RNF150: variants seen among roughly 807,000 people sequenced by gnomAD.
The protein encoded by RNF150 is ring finger protein 150.
RNF150 carries 24 observed loss-of-function variants against 39.3 expected under a neutral mutation model. The ratio of observed to expected loss-of-function variants is 0.61; its 90% CI spans 0.44 to 0.86. RNF150 has a LOEUF of 0.86. Among genes scored for constraint, RNF150 ranks in the 40% least tolerant of loss-of-function variants. RNF150 has a pLI of 0.00. For missense variants in RNF150, 502 were observed against 587.8 expected (o/e 0.85, Z 1.51); for synonymous variants, 255 against 227.3 (o/e 1.12, Z -1.10).
chr4:140,903,425 C>T (rs1364906657), intron 6 of RNF150, among the ~76,000 whole-genome samples: 1 of 152,152 alleles, frequency 6.6e-6, no homozygotes, highest in African/African-American at 2.4e-5. Flanking sequence ...TGAATGATGG[C>T]ACTTCCCCAT....
intron 1 of RNF150, among the ~76,000 whole-genome samples, chr4:141,001,848 A>G (rs1211259150): frequency 6.6e-6 from 1 of 152,170 alleles, no homozygotes; most frequent in East Asian, 1.9e-4. Context: ...AATGATATCA[A>G]TTTAAATCCA....
At chr4:140,986,858 C>T (rs921292484) in intron 1 of RNF150, among the ~76,000 whole-genome samples, 2 of 152,000 alleles carry the variant, frequency 1.3e-5, no homozygotes, top group African/African-American at 4.8e-5. Context: ...GTTATGATTA[C>T]ATACCTAGAA....
intron 1 of RNF150, among the ~76,000 whole-genome samples, chr4:141,078,888 T>A (rs984011542): frequency 4.2e-5 from 6 of 143,828 alleles, no homozygotes; most frequent in Middle Eastern, 3.7e-3. Flanking sequence ...TATATACACA[T>A]ACATATATAT....
intron 1 of RNF150, among the ~76,000 whole-genome samples, chr4:141,000,002 G>A (rs1179647040): frequency 2.9e-4 from 10 of 34,914 alleles, no homozygotes; most frequent in African/African-American, 3.6e-4. Flanking sequence ...AAAAGAAGAA[G>A]AAGAAGAAGA....
intron 1 of RNF150, among the ~76,000 whole-genome samples, chr4:141,069,684 T>G (rs1310202720): frequency 1.7e-4 from 25 of 151,026 alleles, no homozygotes; most frequent in African/African-American, 6.1e-4. Flanking sequence ...TGAATCCATC[T>G]GGTCCTGGAC....
At chr4:140,960,187 G>A (rs114086484) in intron 2 of RNF150, among the ~76,000 whole-genome samples, 2,616 of 152,182 alleles carry the variant, frequency 0.017, 74 homozygotes, top group African/African-American at 0.06. Flanking sequence ...ACCTAAATGT[G>A]TCCTTGATTC....
intron 1 of RNF150, among the ~76,000 whole-genome samples, chr4:141,179,967 A>G (rs1727877634): frequency 2.0e-5 from 3 of 152,138 alleles, no homozygotes; most frequent in Admixed American, 2.0e-4. Context: ...CTCTCCCGTT[A>G]CCTCTGGTAA....
In RNF150 at chr4:141,175,150, A is replaced by G. The variant is rs72935023; in HGVS notation, c.-6+37644T>C. Among the ~76,000 whole-genome samples the G allele has an allele frequency of 7.8e-4, 119 of 152,300 alleles. 1 individual carries two copies. The highest frequency in any genetic ancestry group is 2.8e-3 in the African/African-American group (118 of 41,570). ...GAGTGCTGATGGTGGGAACGAACAA[A>G]CGGGAGTCTTCAGGCAATATAGCTT... is the stretch of plus-strand genomic sequence containing the variant. On this transcript the variant is annotated intron_variant, in intron 1 of 7. Transcript: ENST00000420921.
upstream of RNF150, among the ~76,000 whole-genome samples, chr4:141,137,538 G>A (rs1727046079): frequency 6.6e-6 from 1 of 152,192 alleles, no homozygotes; most frequent in Non-Finnish European, 1.5e-5. Context: ...CTGGCAGAAT[G>A]GAGGAATAGT....
In RNF150 at chr4:141,166,355, G is replaced by A. The variant is rs533166857; in HGVS notation, c.-6+46439C>T. ...CCCAGGACCAGATGGATTCACAGCC[G>A]AATTCTACCAGAGGTACAAAGAGGA... On this transcript the variant is annotated intron_variant, in intron 1 of 7. Transcript: ENST00000420921. Among the ~76,000 whole-genome samples the A allele has an allele frequency of 1.2e-4, 19 of 152,220 alleles. No homozygotes were observed. In the East Asian group the frequency reaches 3.1e-3, roughly 25 times the overall value.
intron 6 of RNF150, among the ~76,000 whole-genome samples, chr4:140,871,021 T>TAA (rs1728917043): frequency 6.7e-6 from 1 of 149,920 alleles, no homozygotes; most frequent in East Asian, 2.0e-4. Context: ...TATATATGTA[T>TAA]ACACACACAC....
At position 141,030,523 on chromosome 4, in the gene RNF150, G is replaced by A. The variant is rs188170612; in HGVS notation, c.485-62650C>T. Reference sequence around the variant, plus strand: ...TGCAAACCCATGTTCACTGCAGCTGGAGTCACAATAGCCAAGATATGAAAT... The same window carrying A: ...TGCAAACCCATGTTCACTGCAGCTGAAGTCACAATAGCCAAGATATGAAAT... On this transcript the variant is annotated intron_variant, in intron 1 of 6. Coordinates refer to ENST00000515673, the MANE Select transcript of RNF150 (RefSeq NM_020724.2). Among the ~76,000 whole-genome samples the A allele has an allele frequency of 3.5e-4, 54 of 152,202 alleles. No individual in the cohort carries two copies. In the East Asian group the frequency reaches 7.5e-3, roughly 21 times the overall value.
intron 1 of RNF150, among the ~76,000 whole-genome samples, chr4:140,997,735 C>CACATATATGTG (rs1553935409): frequency 2.0e-5 from 3 of 151,652 alleles, no homozygotes; most frequent in South Asian, 2.1e-4. Context: ...TAAAAAGATA[C>CACATATATGTG]TAGCTGCATA....
chr4:141,211,646 T>C (rs1316114567), intron 1 of RNF150, among the ~76,000 whole-genome samples: 1 of 151,602 alleles, frequency 6.6e-6, no homozygotes, highest in Non-Finnish European at 1.5e-5. Flanking sequence ...GAATTGACTA[T>C]CCCTTAACTA....
chr4:140,986,486 C>A (rs1021823969), intron 1 of RNF150, among the ~76,000 whole-genome samples: 2 of 152,060 alleles, frequency 1.3e-5, no homozygotes, highest in Non-Finnish European at 2.9e-5. Context: ...CACGTTTGAA[C>A]CAGCAGCTCT....
At chr4:141,151,921 T>C (rs953746851) in intron 1 of RNF150, among the ~76,000 whole-genome samples, 7 of 152,116 alleles carry the variant, frequency 4.6e-5, no homozygotes, top group African/African-American at 1.7e-4. Flanking sequence ...ATTTACCAGA[T>C]AGCTATGGTT....
At chr4:141,134,973 A>G (rs1727006435), upstream of RNF150, among the ~76,000 whole-genome samples, 1 of 152,196 alleles carries the variant, frequency 6.6e-6, no homozygotes, top group South Asian at 2.1e-4. Flanking sequence ...ATGTGTGACT[A>G]TCCCTTACCC....
chr4:140,911,015 A>G, intron 6 of RNF150, 129 bp downstream of exon 6: 1 of 744,342 alleles, frequency 1.3e-6, no homozygotes, highest in Non-Finnish European at 2.2e-6. Context: ...GCTGGCAGTT[A>G]TAACTGATGA....
At chr4:141,166,794 C>A (rs1727612848) in intron 1 of RNF150, among the ~76,000 whole-genome samples, 1 of 152,090 alleles carries the variant, frequency 6.6e-6, no homozygotes, top group South Asian at 2.1e-4. Context: ...GAAAATATCT[C>A]AAAATAAGGA....
Sources: allele counts gnomAD v4.1 joint callset (sites outside exome capture counted in the v4.1 genomes callset), GRCh38; gene constraint gnomAD v4.1.1; transcripts MANE v1.5; gene names NCBI Gene and HGNC (gene_info 2026-07-23, HGNC 2026-07-21).